The following NUDT19 variants were observed in gnomAD, a reference collection of about 807,000 sequenced individuals.
NUDT19 encodes nudix hydrolase 19, also known as acyl-coenzyme A diphosphatase NUDT19.
In NUDT19, 31 loss-of-function variants were observed where a neutral mutation model predicts 22.2. The ratio of observed to expected loss-of-function variants is 1.40; its 90% confidence interval spans 1.05 to 1.89. NUDT19 has a LOEUF of 1.89. Among genes scored for constraint, NUDT19 ranks in the 40% most tolerant of loss-of-function variants. The pLI, the probability that NUDT19 is intolerant of heterozygous loss-of-function variation, is 0.00. For synonymous variants in NUDT19, 325 were observed against 230.8 expected, an observed-to-expected ratio of 1.41 and a Z score of -3.70; for missense variants, 752 against 514.2, an observed-to-expected ratio of 1.46 and a Z score of -4.47.
chr19:32,692,683 T>C lies in NUDT19; in HGVS notation c.714+9T>C. 4 of 1,462,030 alleles carry C rather than the reference T, an allele frequency of 2.7e-6. No individual in the cohort carries two copies. The highest frequency in any genetic ancestry group is 3.6e-6 in the Non-Finnish European group (4 of 1,113,964). 90.6% of individuals were successfully genotyped at this position (1,462,030 alleles called of 1,614,324 possible). On this transcript the variant is annotated intron_variant, in intron 1 of 2. Coordinates refer to ENST00000397061, the MANE Select transcript of NUDT19 (RefSeq NM_001105570.2). ...AGGTGGTGGGCTACCAGGTAAGGCC[T>C]GCTCAGGGCCTTGCTGCGGACCGCC...
intron 2 of NUDT19, among the ~76,000 whole-genome samples, 176 bp downstream of exon 2, chr19:32,709,568 C>T (rs1421998871): frequency 6.6e-6 from 1 of 152,030 alleles, no homozygotes; most frequent in Non-Finnish European, 1.5e-5. Flanking sequence ...ACCAGAAATT[C>T]TGCATAATGT....
chr19:32,711,779 A>G lies in NUDT19; in HGVS notation c.950A>G (p.Asp317Gly), dbSNP rs1478475880. Residue 317 changes from aspartate (D) to glycine (G), a missense_variant, in exon 3 of 3, where the codon GAC becomes GGC. Transcript: ENST00000397061. Reference sequence around the variant, plus strand: ...GATGAGCTATATTTAGAAGATTCAGACTTTTTGGAAAATCTTATGTCTACT... The same window carrying G: ...GATGAGCTATATTTAGAAGATTCAGGCTTTTTGGAAAATCTTATGTCTACT... ...PGDELYLEDSDFLENLMSTEK... is the reference protein window; with the variant it reads ...PGDELYLEDSGFLENLMSTEK... The G allele has an allele frequency of 6.2e-7, 1 of 1,612,300 alleles. No homozygotes were observed. The highest frequency in any genetic ancestry group is 1.7e-5 in the Admixed American group (1 of 59,990).
At chr19:32,702,018 G>A (rs574233277) in intron 1 of NUDT19, among the ~76,000 whole-genome samples, 59 of 152,098 alleles carry the variant, frequency 3.9e-4, no homozygotes, top group Non-Finnish European at 8.2e-4. Flanking sequence ...AGGTGTGCGG[G>A]GGTCTGTCCT....
In NUDT19 at chr19:32,692,173, C is replaced by T. The variant is rs752699936; in HGVS notation, c.213C>T (p.Asp71=). 1.0e-4 allele frequency: 161 copies of T among 1,540,602 alleles called. 1 individual carries two copies. Among genetic ancestry groups the T allele is most frequent in the Non-Finnish European group, 1.4e-4 (158 of 1,153,948 alleles). The change falls in exon 1 of 3, where the codon GAC becomes GAT. Residue 71 remains aspartate (D), a synonymous_variant. Coordinates refer to ENST00000397061, the MANE Select transcript of NUDT19 (RefSeq NM_001105570.2). ...VFSGGVLDAA[D]RSADWLGLFA... The stretch of plus-strand genomic sequence containing the variant: ...CCGGCGGAGTGCTGGATGCGGCCGA[C>T]CGCTCGGCGGACTGGCTGGGCCTCT...
chr19:32,705,936 C>T (rs550922867), intron 1 of NUDT19, among the ~76,000 whole-genome samples: 2 of 152,198 alleles, frequency 1.3e-5, no homozygotes, highest in South Asian at 2.1e-4. Context: ...TTGAGTGCTG[C>T]TTGTGTTCAA....
At chr19:32,693,874 C>T (rs1968233812) in intron 1 of NUDT19, among the ~76,000 whole-genome samples, 1 of 152,182 alleles carries the variant, frequency 6.6e-6, no homozygotes, top group Non-Finnish European at 1.5e-5. Context: ...CTAAACAGGG[C>T]ACCCCATCTG....
rs1423456820 is a variant in NUDT19, at chr19:32,691,891, C to T, written c.-70C>T. 2 of 876,702 alleles carry T rather than the reference C, an allele frequency of 2.3e-6. No individual in the cohort carries two copies. Among genetic ancestry groups the T allele is most frequent in the East Asian group, 3.7e-5 (1 of 27,084 alleles). The allele number at this position is 876,702 out of a possible 1,614,324, so 54.3% of individuals were successfully genotyped here. Reference sequence around the variant, plus strand: ...GCGAGGCCCCCGGAGGTGCTGGGGTCCCTGCAGGGCCGGGCCACCTGCCGT... The same window carrying T: ...GCGAGGCCCCCGGAGGTGCTGGGGTTCCTGCAGGGCCGGGCCACCTGCCGT... On this transcript the variant is annotated 5_prime_UTR_variant, in exon 1 of 3. Coordinates refer to ENST00000397061, the MANE Select transcript of NUDT19 (RefSeq NM_001105570.2).
In NUDT19 at chr19:32,711,826, A is replaced by C. The variant is rs1220486978; in HGVS notation, c.997A>C (p.Met333Leu). The part of the protein sequence containing the change: ...MSTEKKTEEI[M>L]KEGKQFHRIV... ...TACTGAAAAAAAGACTGAGGAAATC[A>C]TGAAGGAAGGCAAGCAGTTTCACCG... Residue 333 changes from methionine (M) to leucine (L), a missense_variant, in exon 3 of 3, where the codon ATG becomes CTG. Met to Leu is a conservative substitution (Grantham distance 15, BLOSUM62 2). Coordinates refer to ENST00000397061, the MANE Select transcript of NUDT19 (RefSeq NM_001105570.2). 1.2e-6 allele frequency: 2 copies of C among 1,613,952 alleles called. No individual in the cohort carries two copies. Among genetic ancestry groups the C allele is most frequent in the Non-Finnish European group, 1.7e-6 (2 of 1,179,842 alleles).
Position 32,691,887 on chromosome 19 carries a change from G to C in NUDT19, c.-74G>C, listed in dbSNP as rs1380550714. ...TCCCGCGAGGCCCCCGGAGGTGCTG[G>C]GGTCCCTGCAGGGCCGGGCCACCTG... is the stretch of plus-strand genomic sequence containing the variant. On this transcript the variant is annotated 5_prime_UTR_variant, in exon 1 of 3. Coordinates refer to ENST00000397061, the MANE Select transcript of NUDT19 (RefSeq NM_001105570.2). 1 of 839,084 alleles carries C rather than the reference G, an allele frequency of 1.2e-6. No homozygotes were observed. Among genetic ancestry groups the C allele is most frequent in the Admixed American group, 4.6e-5 (1 of 21,938 alleles). 52.0% of individuals were successfully genotyped at this position (839,084 alleles called of 1,614,324 possible).
At chr19:32,706,438 C>T (rs370022286) in intron 1 of NUDT19, among the ~76,000 whole-genome samples, 1 of 152,168 alleles carries the variant, frequency 6.6e-6, no homozygotes, top group African/African-American at 2.4e-5. Flanking sequence ...TAATCCCAAC[C>T]CCTTGGGGGC....
rs914457619 is a variant in NUDT19, at chr19:32,691,900, G to A, written c.-61G>A. The stretch of plus-strand genomic sequence containing the variant: ...CCGGAGGTGCTGGGGTCCCTGCAGG[G>A]CCGGGCCACCTGCCGTGGAGCTCAG... On this transcript the variant is annotated 5_prime_UTR_variant, in exon 1 of 3. Transcript: ENST00000397061. The A allele has an allele frequency of 2.8e-5, 28 of 1,015,488 alleles. No individual in the cohort carries two copies. In the African/African-American group the frequency reaches 3.9e-4, roughly 14 times the overall value. The allele number at this position is 1,015,488 out of a possible 1,614,324, so 62.9% of individuals were successfully genotyped here.
In NUDT19 at chr19:32,692,138, C is replaced by T. The variant is rs1474183346; in HGVS notation, c.178C>T (p.His60Tyr). 3 of 1,487,594 alleles carry T rather than the reference C, an allele frequency of 2.0e-6. No homozygotes were observed. Among genetic ancestry groups the T allele is most frequent in the Non-Finnish European group, 2.7e-6 (3 of 1,128,110 alleles). 92.1% of individuals were successfully genotyped at this position (1,487,594 alleles called of 1,614,324 possible). A position where few individuals can be genotyped will look rare whatever the true frequency, so the allele number is the denominator to read the frequency against. The change falls in exon 1 of 3, where the codon CAC becomes TAC. Residue 60 changes from histidine to tyrosine, a missense_variant. His to Tyr is a moderately conservative substitution (Grantham distance 83). Transcript: ENST00000397061. The part of the protein sequence containing the change: ...SPHQGFMPGA[H>Y]VFSGGVLDAA... ...GCACCAAGGCTTCATGCCGGGCGCG[C>T]ACGTCTTCTCCGGCGGAGTGCTGGA... is the stretch of plus-strand genomic sequence containing the variant.
chr19:32,711,774 T>C lies in NUDT19; in HGVS notation c.945T>C (p.Asp315=). ...CAGGTGATGAGCTATATTTAGAAGA[T>C]TCAGACTTTTTGGAAAATCTTATGT... ...LLPGDELYLE[D]SDFLENLMST... Residue 315 remains aspartate, a synonymous_variant, in exon 3 of 3, where the codon GAT becomes GAC. Coordinates refer to ENST00000397061, the MANE Select transcript of NUDT19 (RefSeq NM_001105570.2). The C allele has an allele frequency of 6.2e-7, 1 of 1,610,616 alleles. No individual in the cohort carries two copies.
chr19:32,707,944 G>C (rs1272413743), intron 1 of NUDT19, among the ~76,000 whole-genome samples: 2 of 150,312 alleles, frequency 1.3e-5, no homozygotes, highest in East Asian at 2.0e-4. Flanking sequence ...CACCACTGCA[G>C]TCCAGCCTGG....
At chr19:32,698,202 G>T (rs1968287928) in intron 1 of NUDT19, among the ~76,000 whole-genome samples, 1 of 152,148 alleles carries the variant, frequency 6.6e-6, no homozygotes, top group Non-Finnish European at 1.5e-5. Flanking sequence ...TACAGAAAAG[G>T]TCAGGCTGCA....
chr19:32,695,674 G>A (rs1441165440), intron 1 of NUDT19, among the ~76,000 whole-genome samples: 2 of 151,960 alleles, frequency 1.3e-5, no homozygotes, highest in Non-Finnish European at 2.9e-5. Flanking sequence ...TGATGGCTTC[G>A]GCAGTGTAAG....
intron 1 of NUDT19, among the ~76,000 whole-genome samples, chr19:32,695,438 A>C (rs1384834983): frequency 6.6e-6 from 1 of 152,220 alleles, no homozygotes; most frequent in African/African-American, 2.4e-5. Context: ...TTGGCCTCCC[A>C]AAGTGCTGGG....
intron 1 of NUDT19, among the ~76,000 whole-genome samples, chr19:32,705,449 AGAGTATTG>A (rs1968378425): frequency 6.6e-6 from 1 of 151,902 alleles, no homozygotes; most frequent in Non-Finnish European, 1.5e-5. Flanking sequence ...AAACAAAAAG[AGAGTATTG>A]GACATTTCCT....
In NUDT19 at chr19:32,691,968, G is replaced by A. The variant is rs1303303323; in HGVS notation, c.8G>A (p.Ser3Asn). Residue 3 changes from serine (S) to asparagine (N), a missense_variant, in exon 1 of 3, where the codon AGC (serine) becomes AAC (asparagine). Transcript: ENST00000397061. ...TCCGGGAAGCTGCGCGCCATGAGCAGCTCCCTGCGGCCGGGCCCCAGCCGC... is the reference window on the plus strand; with the variant it reads ...TCCGGGAAGCTGCGCGCCATGAGCAACTCCCTGCGGCCGGGCCCCAGCCGC... MS[S>N]SLRPGPSRWR... is the part of the protein sequence containing the mutation. The A allele has an allele frequency of 3.3e-6, 4 of 1,230,690 alleles. No individual in the cohort carries two copies. Among genetic ancestry groups the A allele is most frequent in the East Asian group, 6.5e-5 (2 of 30,906 alleles). 76.2% of individuals were successfully genotyped at this position (1,230,690 alleles called of 1,614,324 possible). A position where few individuals can be genotyped will look rare whatever the true frequency, so the allele number is the denominator to read the frequency against.
Sources: gnomAD v4.1 joint callset for allele counts (sites outside exome capture counted in the v4.1 genomes callset) on GRCh38, gnomAD v4.1.1 for gene constraint, MANE v1.5 for transcripts, NCBI Gene and HGNC (gene_info 2026-07-23, HGNC 2026-07-21) for gene names.